Variants in NBEA observed in about 807,000 individuals in gnomAD.
The protein encoded by NBEA is lysosomal-trafficking regulator 2.
In NBEA, 44 loss-of-function variants were observed where a neutral mutation model predicts 343.4. That is an observed-to-expected ratio of 0.13 (90% CI 0.10 to 0.16). The LOEUF is 0.16. Among genes scored for constraint, NBEA ranks in the 10% least tolerant of loss-of-function variants. The pLI is 1.00. For synonymous variants in NBEA, 1,175 were observed against 1,238.7 expected, an observed-to-expected ratio of 0.95 and a Z score of 1.08; for missense variants, 2,555 against 3,631.3, an observed-to-expected ratio of 0.70 and a Z score of 7.62.
chr13:35,656,099 T>G (rs1341878580), intron 55 of NBEA, among the ~76,000 whole-genome samples: 2 of 152,220 alleles, frequency 1.3e-5, no homozygotes, highest in Admixed American at 6.5e-5. Context: ...CTCTCCCTGC[T>G]CTGAATTTTT....
intron 21 of NBEA, 31 bp downstream of exon 21, chr13:35,157,301 C>T (rs770743501): frequency 6.1e-6 from 9 of 1,467,668 alleles, no homozygotes; most frequent in Admixed American, 4.4e-5. Flanking sequence ...TTAACATCAT[C>T]AGAGTTATTG....
chr13:35,524,470 G>A (rs900471587), intron 41 of NBEA, among the ~76,000 whole-genome samples: 6 of 152,218 alleles, frequency 3.9e-5, no homozygotes, highest in South Asian at 4.1e-4. Context: ...ACTGAACTGA[G>A]CCATTCTCAG....
At chr13:35,189,413 C>T (rs1279033064) in intron 30 of NBEA, among the ~76,000 whole-genome samples, 3 of 151,872 alleles carry the variant, frequency 2.0e-5, no homozygotes, top group Non-Finnish European at 4.4e-5. Context: ...GAGCTGAGTT[C>T]CTTATATATT....
chr13:35,173,396 T>C (rs957708481), intron 26 of NBEA, 68 bp from the exon 27 acceptor site: 1 of 1,369,468 alleles, frequency 7.3e-7, no homozygotes, highest in Admixed American at 2.4e-5. Flanking sequence ...GAAATAAACT[T>C]GCAACTTTTT....
intron 38 of NBEA, among the ~76,000 whole-genome samples, chr13:35,355,445 A>G (rs1156970325): frequency 1.3e-5 from 2 of 152,130 alleles, no homozygotes; most frequent in African/African-American, 2.4e-5. Context: ...AATTTAATGA[A>G]AAACGTGATG....
chr13:35,355,122 C>T (rs900968190), intron 38 of NBEA, among the ~76,000 whole-genome samples: 3 of 152,148 alleles, frequency 2.0e-5, no homozygotes, highest in Non-Finnish European at 2.9e-5. Flanking sequence ...TATCCAGCTT[C>T]GACTGCTTCT....
intron 1 of NBEA, among the ~76,000 whole-genome samples, chr13:34,947,094 T>TA (rs1210756387): frequency 6.6e-6 from 1 of 152,020 alleles, no homozygotes; most frequent in Non-Finnish European, 1.5e-5. Context: ...TTTATGTTGA[T>TA]ATATAAGCCT....
chr13:35,156,665 T>C (rs949296506), intron 20 of NBEA, among the ~76,000 whole-genome samples: 1 of 152,158 alleles, frequency 6.6e-6, no homozygotes, highest in Non-Finnish European at 1.5e-5. Flanking sequence ...GTCTATAATT[T>C]AACAAATATT....
At chr13:35,153,521 A>G (rs1228967806) in intron 18 of NBEA, among the ~76,000 whole-genome samples, 1 of 152,198 alleles carries the variant, frequency 6.6e-6, no homozygotes, top group Non-Finnish European at 1.5e-5. Flanking sequence ...TACATGTTGA[A>G]TTGAGTTTCT....
At chr13:35,121,475 T>C (rs1279829854) in intron 16 of NBEA, among the ~76,000 whole-genome samples, 2 of 151,914 alleles carry the variant, frequency 1.3e-5, no homozygotes, top group Middle Eastern at 6.3e-3. Context: ...TTATGATTTC[T>C]TGAATGTGTT....
intron 41 of NBEA, among the ~76,000 whole-genome samples, chr13:35,512,187 G>T (rs1273579445): frequency 6.6e-6 from 1 of 152,182 alleles, no homozygotes; most frequent in African/African-American, 2.4e-5. Context: ...ACAACAGGAA[G>T]TAAAATCGTG....
chr13:35,034,273 G>A (rs2062355283), intron 1 of NBEA, among the ~76,000 whole-genome samples: 2 of 151,692 alleles, frequency 1.3e-5, no homozygotes, highest in Admixed American at 1.3e-4. Flanking sequence ...AAATGATCTT[G>A]TGGTTTTTCT....
At chr13:34,997,872 T>C (rs1350529904) in intron 1 of NBEA, among the ~76,000 whole-genome samples, 1 of 152,226 alleles carries the variant, frequency 6.6e-6, no homozygotes, top group Non-Finnish European at 1.5e-5. Flanking sequence ...TATTTTTTGC[T>C]TAGTGACAAT....
Position 35,275,658 on chromosome 13 carries a change from GA to G in NBEA, c.5777-14724del, listed in dbSNP as rs528272451. Among the ~76,000 whole-genome samples, 229 of 152,038 alleles carry G rather than the reference GA, an allele frequency of 1.5e-3. 1 individual carries two copies. The highest frequency in any genetic ancestry group is 5.4e-3 in the African/African-American group (224 of 41,508). On this transcript the variant is annotated intron_variant, in intron 34 of 58. Coordinates refer to ENST00000379939, the MANE Select transcript of NBEA (RefSeq NM_001385012.1). The stretch of plus-strand genomic sequence containing the variant: ...ACAAAGAACTTAAACAAATTTACAA[GA>G]AAAAAACAAACAACCCCATCAAAAA...
intron 30 of NBEA, among the ~76,000 whole-genome samples, chr13:35,189,680 A>T (rs1464832280): frequency 6.6e-6 from 1 of 152,088 alleles, no homozygotes; most frequent in Non-Finnish European, 1.5e-5. Context: ...AGTTCTAAAC[A>T]TTACTTGTAA....
At chr13:35,230,407 C>G (rs1047104374) in intron 33 of NBEA, among the ~76,000 whole-genome samples, 11 of 152,082 alleles carry the variant, frequency 7.2e-5, no homozygotes, top group Admixed American at 7.2e-4. Context: ...ACATTAAATC[C>G]AATAGCTATG....
chr13:35,662,729 T>C (rs1476165259), intron 55 of NBEA, among the ~76,000 whole-genome samples: 1 of 152,230 alleles, frequency 6.6e-6, no homozygotes, highest in Non-Finnish European at 1.5e-5. Flanking sequence ...ACTCATTTCC[T>C]AGCAGAAAAT....
At chr13:35,532,730 G>A (rs770866213) in intron 41 of NBEA, among the ~76,000 whole-genome samples, 1 of 152,110 alleles carries the variant, frequency 6.6e-6, no homozygotes, top group South Asian at 2.1e-4. Flanking sequence ...GAAGTAGATT[G>A]ACTGTAAAGC....
intron 41 of NBEA, among the ~76,000 whole-genome samples, chr13:35,535,295 A>T (rs981116133): frequency 6.6e-6 from 1 of 152,176 alleles, no homozygotes; most frequent in African/African-American, 2.4e-5. Context: ...AGGTGCTTTA[A>T]GGTGTTTTTT....
Sources: gnomAD v4.1 joint callset for allele counts (sites outside exome capture counted in the v4.1 genomes callset) on GRCh38, gnomAD v4.1.1 for gene constraint, MANE v1.5 for transcripts, NCBI Gene and HGNC (gene_info 2026-07-23, HGNC 2026-07-21) for gene names.